MECOM: variants seen among roughly 807,000 people sequenced by gnomAD.
The protein encoded by MECOM is MDS1 and EVI1 complex locus, also known as histone-lysine N-methyltransferase MECOM.
MECOM carries 13 observed loss-of-function variants against 116.3 expected under a neutral mutation model. The observed-to-expected ratio is 0.11, with a 90% CI of 0.07 to 0.18. The LOEUF (loss-of-function observed/expected upper bound fraction) is 0.18. Among genes scored for constraint, MECOM ranks in the 10% least tolerant of loss-of-function variants. The pLI is 1.00. For missense variants in MECOM, 1,299 were observed against 1,509.0 expected (o/e 0.86, Z 2.31); for synonymous variants, 528 against 535.2 (o/e 0.99, Z 0.19).
At chr3:169,506,348 G>A (rs982853905) in intron 1 of MECOM, among the ~76,000 whole-genome samples, 11 of 152,266 alleles carry the variant, frequency 7.2e-5, no homozygotes, top group Admixed American at 5.9e-4. Context: ...CCACATCCCC[G>A]CTGGTGCCGT....
At chr3:169,380,651 G>A (rs1373823506) in intron 2 of MECOM, among the ~76,000 whole-genome samples, 1 of 152,126 alleles carries the variant, frequency 6.6e-6, no homozygotes, top group Non-Finnish European at 1.5e-5. Flanking sequence ...ATTCAGTGAT[G>A]AGTACAGTGC....
At chr3:169,507,117 C>G (rs1755332332) in intron 1 of MECOM, among the ~76,000 whole-genome samples, 1 of 152,204 alleles carries the variant, frequency 6.6e-6, no homozygotes, top group Admixed American at 6.5e-5. Context: ...TGTTGGTCAA[C>G]TATCTACCCT....
At chr3:169,468,113 C>T (rs1459007116) in intron 1 of MECOM, among the ~76,000 whole-genome samples, 2 of 128,892 alleles carry the variant, frequency 1.6e-5, no homozygotes, top group Admixed American at 7.5e-5. Flanking sequence ...ACAAAACCCA[C>T]TAATTTTTTT....
intron 1 of MECOM, among the ~76,000 whole-genome samples, chr3:169,572,857 T>C (rs28590422): frequency 0.34 from 51,013 of 151,798 alleles, 8,874 homozygotes; most frequent in Middle Eastern, 0.43. Flanking sequence ...AGGGATAGCA[T>C]TGGGAGAAAT....
intron 1 of MECOM, among the ~76,000 whole-genome samples, chr3:169,629,718 G>T (rs573721213): frequency 6.6e-6 from 1 of 152,288 alleles, no homozygotes; most frequent in African/African-American, 2.4e-5. Context: ...ACTGCCTCTG[G>T]AACTACTGAA....
At chr3:169,250,093 C>T (rs576299384) in intron 2 of MECOM, among the ~76,000 whole-genome samples, 2 of 152,244 alleles carry the variant, frequency 1.3e-5, no homozygotes, top group East Asian at 1.9e-4. Flanking sequence ...TGGGGGCTGG[C>T]GACCTGAAGC....
intron 2 of MECOM, chr3:169,146,444 A>G: frequency 7.2e-7 from 1 of 1,388,782 alleles, no homozygotes; most frequent in Non-Finnish European, 9.6e-7. Context: ...GAGCGCAAGG[A>G]AAAGAGGCCG....
chr3:169,587,296 T>C (rs1036792676), intron 1 of MECOM, among the ~76,000 whole-genome samples: 3 of 152,212 alleles, frequency 2.0e-5, no homozygotes, highest in Non-Finnish European at 2.9e-5. Flanking sequence ...ACCAAATATT[T>C]CTGATAATCA....
intron 2 of MECOM, among the ~76,000 whole-genome samples, chr3:169,192,272 T>C (rs1018356693): frequency 1.4e-4 from 21 of 152,070 alleles, no homozygotes; most frequent in Non-Finnish European, 2.2e-4. Context: ...CTTTTAGGTA[T>C]AACCTTGTAA....
At chr3:169,140,419 T>C (rs1455245511) in intron 3 of MECOM, among the ~76,000 whole-genome samples, 1 of 152,098 alleles carries the variant, frequency 6.6e-6, no homozygotes, top group Non-Finnish European at 1.5e-5. Flanking sequence ...GACTAGTGTC[T>C]TTGGTATAGC....
At chr3:169,602,248 T>C (rs1307227970) in intron 1 of MECOM, among the ~76,000 whole-genome samples, 1 of 152,224 alleles carries the variant, frequency 6.6e-6, no homozygotes, top group African/African-American at 2.4e-5. Flanking sequence ...TTCCAAAGAT[T>C]ATGAACTTAG....
chr3:169,381,977 A>G (rs943507559), intron 1 of MECOM, among the ~76,000 whole-genome samples: 1 of 152,196 alleles, frequency 6.6e-6, no homozygotes, highest in Non-Finnish European at 1.5e-5. Context: ...CAAAGATTCC[A>G]AAGGCTGCCA....
chr3:169,099,371 T>C (rs563726053), intron 12 of MECOM, among the ~76,000 whole-genome samples: 2 of 152,306 alleles, frequency 1.3e-5, no homozygotes, highest in South Asian at 2.1e-4. Context: ...TCTGGTAATA[T>C]AATTTTCTCA....
At chr3:169,178,282 G>A (rs554128993) in intron 2 of MECOM, among the ~76,000 whole-genome samples, 2 of 152,322 alleles carry the variant, frequency 1.3e-5, no homozygotes, top group East Asian at 1.9e-4. Flanking sequence ...ATGGAGGGCC[G>A]CATGAGTGAT....
chr3:169,468,000 C>G (rs957881352), intron 1 of MECOM, among the ~76,000 whole-genome samples: 3 of 152,088 alleles, frequency 2.0e-5, no homozygotes, highest in Admixed American at 2.0e-4. Context: ...CTTTTCTGGC[C>G]AACTCCCTTC....
At chr3:169,222,347 G>A (rs2149499478) in intron 2 of MECOM, among the ~76,000 whole-genome samples, 1 of 152,328 alleles carries the variant, frequency 6.6e-6, no homozygotes, top group East Asian at 1.9e-4. Flanking sequence ...AACACTGGCT[G>A]CCCTCAGTAC....
At chr3:169,482,476 A>G (rs903804221) in intron 1 of MECOM, among the ~76,000 whole-genome samples, 4 of 151,896 alleles carry the variant, frequency 2.6e-5, no homozygotes, top group African/African-American at 9.7e-5. Context: ...GGACCTGTAC[A>G]GGCGCCCGCC....
chr3:169,327,858 G>A (rs1368591462), intron 2 of MECOM, among the ~76,000 whole-genome samples: 1 of 152,068 alleles, frequency 6.6e-6, no homozygotes, highest in East Asian at 1.9e-4. Context: ...GGAGACATAT[G>A]CTGATCCTAT....
chr3:169,638,588 T>G (rs1487406342), intron 1 of MECOM, among the ~76,000 whole-genome samples: 1 of 152,222 alleles, frequency 6.6e-6, no homozygotes, highest in African/African-American at 2.4e-5. Context: ...TACATGGACT[T>G]TTGATCTTAT....
Sources: allele counts gnomAD v4.1 joint callset (sites outside exome capture counted in the v4.1 genomes callset), GRCh38; gene constraint gnomAD v4.1.1; transcripts MANE v1.5; gene names NCBI Gene and HGNC (gene_info 2026-07-23, HGNC 2026-07-21).